PFKFB2: variants seen among roughly 807,000 people sequenced by gnomAD.
The protein encoded by PFKFB2 is 6-phosphofructo-2-kinase/fructose-2,6-biphosphatase 2.
A neutral mutation model predicts 68.0 loss-of-function variants in PFKFB2; 53 were observed. The observed-to-expected ratio is 0.78, with a 90% confidence interval of 0.63 to 0.98. The LOEUF (loss-of-function observed/expected upper bound fraction) is 0.98. Among genes scored for constraint, PFKFB2 ranks in the 50% least tolerant of loss-of-function variants. The pLI, the probability that PFKFB2 is intolerant of heterozygous loss-of-function variation, is 0.00. For missense variants in PFKFB2, 451 were observed against 642.0 expected, an observed-to-expected ratio of 0.70 and a Z score of 3.22; for synonymous variants, 222 against 227.6, an observed-to-expected ratio of 0.98 and a Z score of 0.22.
chr1:207,071,408 T>C (rs1683461518), intron 13 of PFKFB2, 101 bp from the exon 14 acceptor site: 1 of 1,079,706 alleles, frequency 9.3e-7, no homozygotes, highest in Non-Finnish European at 1.4e-6. Flanking sequence ...ACTGTGTGTA[T>C]TGCAGAATGC....
chr1:207,079,167 T>A, downstream of PFKFB2: 1 of 698,870 alleles, frequency 1.4e-6, no homozygotes. Flanking sequence ...AACGTCACCA[T>A]ATTTCCTCCC....
chr1:207,068,770 C>T (rs539721659), intron 10 of PFKFB2, among the ~76,000 whole-genome samples: 26 of 148,328 alleles, frequency 1.8e-4, no homozygotes, highest in Admixed American at 4.7e-4. Flanking sequence ...TTTTGTGACA[C>T]GGAGTCTCGC....
Position 207,070,874 on chromosome 1 carries a change from C to T in PFKFB2, c.1223-314C>T, listed in dbSNP as rs1683445264. The T allele has an allele frequency of 3.1e-6, 1 of 320,658 alleles. No individual in the cohort carries two copies. Among genetic ancestry groups the T allele is most frequent in the African/African-American group, 2.2e-5 (1 of 46,316 alleles). 19.9% of individuals were successfully genotyped at this position (320,658 alleles called of 1,614,324 possible). On this transcript the variant is annotated intron_variant, in intron 12 of 14. Transcript: ENST00000367080. This position sits in a 1 kb window ranked among gnomAD's most constrained non-coding sequence, Gnocchi z 4.2. ...ATGCTGAGCTCAGCATCCTGAGCTG[C>T]TTGGAAGCTGTTGTGGTCAGACCTT... is the stretch of plus-strand genomic sequence containing the variant.
At chr1:207,054,912 C>T in intron 2 of PFKFB2, 110 bp downstream of exon 2, 3 of 756,092 alleles carry the variant, frequency 4.0e-6, no homozygotes, top group Non-Finnish European at 6.6e-6. Flanking sequence ...AATTATTTGA[C>T]ATGGAAATTT....
At chr1:207,071,905 G>C (rs1683475972) in intron 14 of PFKFB2, among the ~76,000 whole-genome samples, 1 of 152,158 alleles carries the variant, frequency 6.6e-6, no homozygotes, top group South Asian at 2.1e-4. Context: ...CTATAAGGTG[G>C]GGGTCAAGAG....
At chr1:207,061,165 T>TTATA (rs201702529) in intron 2 of PFKFB2, among the ~76,000 whole-genome samples, 950 of 44,890 alleles carry the variant, frequency 0.021, 19 homozygotes, top group East Asian at 0.064. Flanking sequence ...ATATATATCT[T>TTATA]TATATATATA....
At chr1:207,071,126 A>G (rs1683453592) in intron 12 of PFKFB2, 62 bp from the exon 13 acceptor site, 2 of 1,308,680 alleles carry the variant, frequency 1.5e-6, no homozygotes, top group Middle Eastern at 3.7e-4. Flanking sequence ...TCTTTCTTCC[A>G]CTAACTTGAC....
chr1:207,048,509 C>G (rs1209361863), upstream of PFKFB2: 2 of 154,228 alleles, frequency 1.3e-5, no homozygotes, highest in Non-Finnish European at 2.9e-5. Flanking sequence ...TAAAAAGACT[C>G]AGTTACTGGA....
chr1:207,063,165 G>T lies in PFKFB2; in HGVS notation c.331G>T (p.Glu111Ter). ...IRKQCALVAL[E>*]DVKAYLTEEN... Reference sequence around the variant, plus strand: ...CAGACAGTGTGCTCTGGTGGCGCTGGAAGATGTTAAGGCGTATCTCACTGA... The same window carrying T: ...CAGACAGTGTGCTCTGGTGGCGCTGTAAGATGTTAAGGCGTATCTCACTGA... The change falls in exon 5 of 15, where the codon GAA (glutamate) becomes TAA (stop). Residue 111 changes from glutamate (E) to a stop codon, truncating the protein, a stop_gained. Coordinates refer to ENST00000367080, the MANE Select transcript of PFKFB2 (RefSeq NM_006212.2). LOFTEE classifies it high-confidence loss of function. The surrounding 1 kb of genome is among the most constrained non-coding windows in gnomAD (Gnocchi z 4.1). 6.2e-7 allele frequency: 1 copy of T among 1,614,130 alleles called. No individual in the cohort carries two copies. Among genetic ancestry groups the T allele is most frequent in the Non-Finnish European group, 8.5e-7 (1 of 1,179,972 alleles).
chr1:207,075,139 G>A lies in PFKFB2; in HGVS notation c.*2768G>A, dbSNP rs1683587029. ...ACTGTACCCACTCTTAGCAAAAGGGGACTTCTCTAACAAGCTAGCATTGTG... is the reference window on the plus strand; with the variant it reads ...ACTGTACCCACTCTTAGCAAAAGGGAACTTCTCTAACAAGCTAGCATTGTG... On this transcript the variant is annotated 3_prime_UTR_variant, in exon 15 of 15. Transcript: ENST00000367080. The A allele has an allele frequency of 1.0e-6, 1 of 985,450 alleles. No homozygotes were observed. Among genetic ancestry groups the A allele is most frequent in the East Asian group, 1.1e-4 (1 of 8,820 alleles). 61.0% of individuals were successfully genotyped at this position (985,450 alleles called of 1,614,324 possible). A position where few individuals can be genotyped will look rare whatever the true frequency, so the allele number is the denominator to read the frequency against.
intron 1 of PFKFB2, among the ~76,000 whole-genome samples, chr1:207,035,617 C>T (rs1036040952): frequency 2.0e-5 from 3 of 151,956 alleles, no homozygotes; most frequent in Admixed American, 2.0e-4. Flanking sequence ...TATGACACTG[C>T]ACTCCAGCCT....
chr1:207,049,140 C>T (rs558389719), upstream of PFKFB2: 1 of 1,614,076 alleles, frequency 6.2e-7, no homozygotes, highest in East Asian at 2.2e-5. Flanking sequence ...CATCAGTAAA[C>T]TGTCTCCTTC....
At position 207,070,137 on chromosome 1, in the gene PFKFB2, C is replaced by G. The variant is rs1683423285; in HGVS notation, c.1093-143C>G. 1.2e-6 allele frequency: 1 copy of G among 828,516 alleles called. No homozygotes were observed. The highest frequency in any genetic ancestry group is 1.8e-5 in the South Asian group (1 of 56,700). The allele number at this position is 828,516 out of a possible 1,614,324, so 51.3% of individuals were successfully genotyped here. A position where few individuals can be genotyped will look rare whatever the true frequency, so the allele number is the denominator to read the frequency against. ...AGATACCAGGGCTGGGGGCAGTTAG[C>G]AGGTGATGTAAACTCACTGAGCCTC... On this transcript the variant is annotated intron_variant, in intron 11 of 14. Transcript: ENST00000367080. This position sits in a 1 kb window ranked among gnomAD's most constrained non-coding sequence, Gnocchi z 4.2.
At position 207,063,969 on chromosome 1, in the gene PFKFB2, T is replaced by C; in HGVS notation, c.507+140T>C. On this transcript the variant is annotated intron_variant, in intron 7 of 14. Coordinates refer to ENST00000367080, the MANE Select transcript of PFKFB2 (RefSeq NM_006212.2). The surrounding 1 kb of genome is among the most constrained non-coding windows in gnomAD (Gnocchi z 4.1). ...AAGAGAGAAATAGACATGTTTAACA[T>C]CACAAAGAGATCTTTTCTATCTGCC... is the stretch of plus-strand genomic sequence containing the variant. The C allele has an allele frequency of 1.4e-6, 1 of 714,086 alleles. No individual in the cohort carries two copies. The highest frequency in any genetic ancestry group is 1.9e-5 in the Admixed American group (1 of 52,402). 44.2% of individuals were successfully genotyped at this position (714,086 alleles called of 1,614,324 possible).
At chr1:207,067,846 G>A (rs1163513180) in intron 9 of PFKFB2, 140 bp downstream of exon 9, 1 of 738,294 alleles carries the variant, frequency 1.4e-6, no homozygotes, top group Non-Finnish European at 2.3e-6. Flanking sequence ...CTCAAGGTGT[G>A]TTCTTGCTCA....
upstream of PFKFB2, chr1:207,050,866 G>A (rs747180418): frequency 6.2e-7 from 1 of 1,611,530 alleles, no homozygotes; most frequent in Non-Finnish European, 8.5e-7. Context: ...CATGGGTGCC[G>A]TCCTTGGCCT....
At chr1:207,072,182 G>GT in intron 14 of PFKFB2, 22 bp from the exon 15 acceptor site, 1 of 1,610,940 alleles carries the variant, frequency 6.2e-7, no homozygotes. Flanking sequence ...CATTTGTGTG[G>GT]TGTCACTCCA....
In PFKFB2 at chr1:207,072,254, T is replaced by C; in HGVS notation, c.1401T>C (p.Phe467=). 6 of 1,614,224 alleles carry C rather than the reference T, an allele frequency of 3.7e-6. No homozygotes were observed. Among genetic ancestry groups the C allele is most frequent in the Non-Finnish European group, 5.1e-6 (6 of 1,180,028 alleles). Residue 467 remains phenylalanine (F), a synonymous_variant, in exon 15 of 15, where the codon TTT becomes TTC. Transcript: ENST00000367080. Reference sequence around the variant, plus strand: ...CTGTAAGGATGAGAAGGAACAGCTTTACGCCTCTGTCCAGTTCGAATACAA... The same window carrying C: ...CTGTAAGGATGAGAAGGAACAGCTTCACGCCTCTGTCCAGTTCGAATACAA... ...QTPVRMRRNS[F]TPLSSSNTIR...
At chr1:207,078,874 G>T, downstream of PFKFB2, 1 of 1,184,024 alleles carries the variant, frequency 8.4e-7, no homozygotes, top group South Asian at 1.2e-5. Flanking sequence ...GGAAGGTAGG[G>T]GAAGGATTCT....
Sources: allele counts gnomAD v4.1 joint callset (sites outside exome capture counted in the v4.1 genomes callset), GRCh38; gene constraint gnomAD v4.1.1; non-coding constraint Gnocchi (gnomAD v3.1); transcripts MANE v1.5; gene names NCBI Gene and HGNC (gene_info 2026-07-23, HGNC 2026-07-21).